DMTF1: variants seen among roughly 807,000 people sequenced by gnomAD.
The protein encoded by DMTF1 is cyclin D binding myb like transcription factor 1.
A neutral mutation model predicts 91.1 loss-of-function variants in DMTF1; 39 were observed. That is an observed-to-expected ratio of 0.43 (90% CI 0.33 to 0.56). DMTF1 has a LOEUF of 0.56. DMTF1 is among the 20% of genes least tolerant of loss of function. The probability of loss-of-function intolerance (pLI) is 0.05; values close to 1 mark genes in which losing one functional copy is unlikely to be tolerated. For synonymous variants in DMTF1, 338 were observed against 309.5 expected, an observed-to-expected ratio of 1.09 and a Z score of -0.97; for missense variants, 750 against 914.5, an observed-to-expected ratio of 0.82 and a Z score of 2.32.
chr7:87,154,561 T>C (rs1790183112), intron 1 of DMTF1: 1 of 152,648 alleles, frequency 6.6e-6, no homozygotes, highest in Admixed American at 6.5e-5. Flanking sequence ...TTCTTAGAAC[T>C]TTAAGTTCAT....
At chr7:87,159,116 C>T (rs1264357110) in intron 1 of DMTF1, among the ~76,000 whole-genome samples, 1 of 152,024 alleles carries the variant, frequency 6.6e-6, no homozygotes, top group African/African-American at 2.4e-5. Context: ...CATAGTTATG[C>T]ATGAATAATT....
At chr7:87,163,894 A>G (rs1793126023) in intron 2 of DMTF1, among the ~76,000 whole-genome samples, 1 of 152,046 alleles carries the variant, frequency 6.6e-6, no homozygotes, top group African/African-American at 2.4e-5. Flanking sequence ...TAGGAGCCAG[A>G]GAGAGCCAGG....
intron 4 of DMTF1, among the ~76,000 whole-genome samples, chr7:87,168,542 C>T (rs1286246022): frequency 6.6e-6 from 1 of 152,158 alleles, no homozygotes; most frequent in Admixed American, 6.5e-5. Context: ...TGTATCCTTT[C>T]TTTCTTTTTT....
At chr7:87,163,808 A>G (rs566215534) in intron 2 of DMTF1, among the ~76,000 whole-genome samples, 191 bp downstream of exon 2, 1 of 152,360 alleles carries the variant, frequency 6.6e-6, no homozygotes, top group East Asian at 1.9e-4. Context: ...AAATGTTAAT[A>G]TATTTAAGTT....
At position 87,188,140 on chromosome 7, in the gene DMTF1, C is replaced by G. The variant is rs148361469; in HGVS notation, c.1250C>G (p.Pro417Arg). Residue 417 changes from proline to arginine, a missense_variant, in exon 13 of 18, where the codon CCA (proline) becomes CGA (arginine). Pro to Arg is a moderately radical substitution (Grantham distance 103). Around this residue, in one of 3 missense-constraint regions of DMTF1, gnomAD observed 410 missense variants for 420.2 expected, o/e 0.98. Coordinates refer to ENST00000331242, the MANE Select transcript of DMTF1 (RefSeq NM_001142327.2). ...TTACATGAGAACCAAAAAAACAACCCAACGCTTTTGGAGAATAAATCAGGA... is the reference window on the plus strand; with the variant it reads ...TTACATGAGAACCAAAAAAACAACCGAACGCTTTTGGAGAATAAATCAGGA... The part of the protein sequence containing the change: ...KQLHENQKNN[P>R]TLLENKSGSG... 729 of 1,613,798 alleles carry G rather than the reference C, an allele frequency of 4.5e-4. 5 individuals carry two copies. The East Asian group carries it at 0.015, about 34-fold the overall frequency.
chr7:87,176,324 G>A (rs1796253769), intron 7 of DMTF1, among the ~76,000 whole-genome samples: 1 of 152,182 alleles, frequency 6.6e-6, no homozygotes, highest in South Asian at 2.1e-4. Context: ...TATTTCAGTT[G>A]TCCTCTAGTC....
Position 87,195,345 on chromosome 7 carries a change from T to A in DMTF1, c.*205T>A. On this transcript the variant is annotated 3_prime_UTR_variant, in exon 18 of 18. Coordinates refer to ENST00000331242, the MANE Select transcript of DMTF1 (RefSeq NM_001142327.2). ...GTTGAGTTTTATGACAGTATGTAGT[T>A]GAGTGGAGGCTGGGAGTTTTAAGCA... 1 of 436,002 alleles carries A rather than the reference T, an allele frequency of 2.3e-6. No individual in the cohort carries two copies. Among genetic ancestry groups the A allele is most frequent in the Non-Finnish European group, 4.1e-6 (1 of 244,132 alleles). The allele number at this position is 436,002 out of a possible 1,614,324, so 27.0% of individuals were successfully genotyped here. A position where few individuals can be genotyped will look rare whatever the true frequency, so the allele number is the denominator to read the frequency against.
At position 87,188,264 on chromosome 7, in the gene DMTF1, G is replaced by A. The variant is rs1428184925; in HGVS notation, c.1374G>A (p.Met458Ile). 5.6e-6 allele frequency: 9 copies of A among 1,613,924 alleles called. No individual in the cohort carries two copies. The highest frequency in any genetic ancestry group is 1.7e-5 in the Admixed American group (1 of 59,986). The change falls in exon 13 of 18, where the codon ATG (methionine) becomes ATA (isoleucine). Residue 458 changes from methionine to isoleucine, a missense_variant. Around this residue, in one of 3 missense-constraint regions of DMTF1, gnomAD observed 410 missense variants for 420.2 expected, o/e 0.98. Transcript: ENST00000331242. ...EDNTAISSSP[M>I]AALQIPVQIT... is the part of the protein sequence containing the mutation. ...ATACAGCCATCTCTTCTAGCCCCAT[G>A]GCAGCATTGCAGATTCCAGTCCAGA... is the stretch of plus-strand genomic sequence containing the variant.
At chr7:87,178,323 A>G (rs1044691164) in intron 7 of DMTF1, among the ~76,000 whole-genome samples, 13 of 152,016 alleles carry the variant, frequency 8.6e-5, no homozygotes, top group African/African-American at 2.9e-4. Context: ...TTCTTTTTTA[A>G]AGTAACATAT....
chr7:87,173,497 T>G (rs762133602), intron 5 of DMTF1, 38 bp from the exon 6 acceptor site: 2 of 1,407,834 alleles, frequency 1.4e-6, no homozygotes, highest in African/African-American at 2.9e-5. Context: ...TTTTTTGTTT[T>G]GTTTTGTTTT....
At chr7:87,180,795 A>G (rs1333465843) in intron 8 of DMTF1, among the ~76,000 whole-genome samples, 3 of 151,010 alleles carry the variant, frequency 2.0e-5, no homozygotes, top group Non-Finnish European at 4.4e-5. Context: ...CCTTACCTTT[A>G]TTATAACTAA....
chr7:87,171,124 G>T (rs117653228), intron 5 of DMTF1, 35 bp downstream of exon 5: 48,128 of 1,390,158 alleles, frequency 0.035, 1,078 homozygotes, highest in Non-Finnish European at 0.042. Context: ...TCAGGAGGAT[G>T]ATCCTTTACA....
At chr7:87,167,989 A>G (rs1309778538) in intron 4 of DMTF1, among the ~76,000 whole-genome samples, 4 of 152,190 alleles carry the variant, frequency 2.6e-5, no homozygotes, top group Non-Finnish European at 4.4e-5. Context: ...GTTTTATTTT[A>G]TGGTGGTAAA....
Position 87,166,480 on chromosome 7 carries a change from T to G in DMTF1, c.110-3T>G. On this transcript the variant is annotated splice_polypyrimidine_tract_variant and splice_region_variant and intron_variant, in intron 3 of 17. Transcript: ENST00000331242. Reference sequence around the variant, plus strand: ...TTTTTGTTTGTTTGTTTTCTTCCATTAGAAGCGGATGAAATAGACTCAGAA... The same window carrying G: ...TTTTTGTTTGTTTGTTTTCTTCCATGAGAAGCGGATGAAATAGACTCAGAA... 1 of 1,607,700 alleles carries G rather than the reference T, an allele frequency of 6.2e-7. No homozygotes were observed. Among genetic ancestry groups the G allele is most frequent in the South Asian group, 1.1e-5 (1 of 89,728 alleles).
chr7:87,183,773 T>G (rs955385853), intron 10 of DMTF1, among the ~76,000 whole-genome samples: 1 of 152,194 alleles, frequency 6.6e-6, no homozygotes, highest in Non-Finnish European at 1.5e-5. Context: ...AGAGGAACAT[T>G]TGGGGTTATC....
intron 6 of DMTF1, 29 bp downstream of exon 6, chr7:87,173,678 T>G (rs1378908867): frequency 6.8e-7 from 1 of 1,464,808 alleles, no homozygotes; most frequent in East Asian, 2.3e-5. Context: ...TTTTAGTGCC[T>G]AGTGAAAAAA....
chr7:87,194,154 C>T (rs1800580999), intron 16 of DMTF1, 52 bp downstream of exon 16: 8 of 1,502,596 alleles, frequency 5.3e-6, no homozygotes, highest in Non-Finnish European at 7.1e-6. Context: ...GAGCCTCAAA[C>T]CTGCAGTTTG....
At chr7:87,168,364 C>A (rs1013742351) in intron 4 of DMTF1, among the ~76,000 whole-genome samples, 3 of 152,126 alleles carry the variant, frequency 2.0e-5, no homozygotes, top group African/African-American at 7.2e-5. Context: ...ACTCCCTTTA[C>A]CACTCTTACC....
intron 1 of DMTF1, among the ~76,000 whole-genome samples, chr7:87,156,141 A>C (rs1348015400): frequency 1.3e-5 from 2 of 152,186 alleles, no homozygotes; most frequent in African/African-American, 4.8e-5. Context: ...AAAGGATGAA[A>C]TCTTTCAAGT....
Sources: gnomAD v4.1 joint callset for allele counts (sites outside exome capture counted in the v4.1 genomes callset) on GRCh38, gnomAD v4.1.1 for gene constraint, gnomAD v4.1.1 regional missense constraint, MANE v1.5 for transcripts, NCBI Gene and HGNC (gene_info 2026-07-23, HGNC 2026-07-21) for gene names.